PTPN4: variants seen among roughly 807,000 people sequenced by gnomAD.
The protein encoded by PTPN4 is protein tyrosine phosphatase non-receptor type 4.
PTPN4 carries 49 observed loss-of-function variants against 135.5 expected under a neutral mutation model. That is an observed-to-expected ratio of 0.36 (90% CI 0.29 to 0.46). The LOEUF is 0.46. PTPN4 is among the 20% of genes least tolerant of loss of function. The pLI is 1.00. For synonymous variants in PTPN4, 333 were observed against 369.9 expected (o/e 0.90, Z 1.14); for missense variants, 860 against 1,101.0 (o/e 0.78, Z 3.10).
At chr2:119,785,699 G>T (rs1691034051) in intron 1 of PTPN4, among the ~76,000 whole-genome samples, 1 of 151,998 alleles carries the variant, frequency 6.6e-6, no homozygotes, top group Non-Finnish European at 1.5e-5. Flanking sequence ...TTACCACTGA[G>T]AATCAAGAGC....
At chr2:119,939,046 G>A (rs1679026113) in intron 15 of PTPN4, among the ~76,000 whole-genome samples, 1 of 152,112 alleles carries the variant, frequency 6.6e-6, no homozygotes, top group African/African-American at 2.4e-5. Context: ...TTTCCTCACT[G>A]TTAAAAAACA....
chr2:119,961,103 G>A (rs1386222391), intron 23 of PTPN4, 150 bp downstream of exon 23: 40 of 894,442 alleles, frequency 4.5e-5, no homozygotes, highest in Non-Finnish European at 6.5e-5. Context: ...ATGTTTAAGT[G>A]CATAAAACTG....
intron 1 of PTPN4, among the ~76,000 whole-genome samples, chr2:119,784,460 C>T (rs1252649427): frequency 1.4e-5 from 2 of 147,676 alleles, no homozygotes; most frequent in Non-Finnish European, 3.0e-5. Context: ...AATCTTGGCT[C>T]ACTGCAAGCT....
rs752733102 is a variant in PTPN4, at chr2:119,885,791, A to G, written c.588-4A>G. The G allele has an allele frequency of 1.6e-5, 25 of 1,563,048 alleles. No individual in the cohort carries two copies. The highest frequency in any genetic ancestry group is 2.7e-5 in the African/African-American group (2 of 72,762). On this transcript the variant is annotated splice_region_variant and splice_polypyrimidine_tract_variant and intron_variant, in intron 8 of 26. Transcript: ENST00000263708. ...TCATTTTTAACTTAATGATGTCTTTATAGAGGCTTATCTCCTGCAGAAGCA... is the reference window on the plus strand; with the variant it reads ...TCATTTTTAACTTAATGATGTCTTTGTAGAGGCTTATCTCCTGCAGAAGCA...
chr2:119,926,965 T>C (rs78375488), intron 13 of PTPN4, among the ~76,000 whole-genome samples: 1 of 152,178 alleles, frequency 6.6e-6, no homozygotes, highest in Non-Finnish European at 1.5e-5. Flanking sequence ...TTTTAAACAT[T>C]TTTGAGAAAT....
At chr2:119,848,285 C>T (rs1007567993) in intron 2 of PTPN4, among the ~76,000 whole-genome samples, 13 of 151,364 alleles carry the variant, frequency 8.6e-5, no homozygotes, top group African/African-American at 1.2e-4. Flanking sequence ...ACCATTCTCC[C>T]GCCTCAGCCT....
At chr2:119,836,308 A>C (rs1558740137) in intron 2 of PTPN4, among the ~76,000 whole-genome samples, 1 of 152,210 alleles carries the variant, frequency 6.6e-6, no homozygotes, top group Non-Finnish European at 1.5e-5. Flanking sequence ...GAGACACTCA[A>C]GGAGCCTTAG....
chr2:119,942,873 G>T (rs556031485), intron 15 of PTPN4, among the ~76,000 whole-genome samples: 57 of 152,254 alleles, frequency 3.7e-4, no homozygotes, highest in African/African-American at 1.1e-3. Context: ...GCCCTTAGAA[G>T]CTTGTATTCT....
intron 3 of PTPN4, 66 bp from the exon 4 acceptor site, chr2:119,877,257 T>G: frequency 1.3e-6 from 2 of 1,530,720 alleles, no homozygotes; most frequent in Non-Finnish European, 8.8e-7. Flanking sequence ...TGGAACAGAT[T>G]TGCAAGAATC....
chr2:119,802,023 C>T (rs982819039), intron 1 of PTPN4, among the ~76,000 whole-genome samples: 2 of 151,066 alleles, frequency 1.3e-5, no homozygotes, highest in Non-Finnish European at 2.9e-5. Flanking sequence ...TCCTCAGTCT[C>T]CCAAGTAGCT....
At chr2:119,782,483 A>G (rs1035134534) in intron 1 of PTPN4, among the ~76,000 whole-genome samples, 11 of 152,134 alleles carry the variant, frequency 7.2e-5, no homozygotes, top group African/African-American at 2.2e-4. Context: ...TAGTCATCCT[A>G]TGTGGCATGG....
At chr2:119,854,937 T>G (rs1677653220) in intron 2 of PTPN4, among the ~76,000 whole-genome samples, 1 of 152,164 alleles carries the variant, frequency 6.6e-6, no homozygotes, top group South Asian at 2.1e-4. Context: ...TACCTCCTAC[T>G]TCAGCTATGA....
At chr2:119,837,145 G>A (rs1159932066) in intron 2 of PTPN4, among the ~76,000 whole-genome samples, 1 of 152,122 alleles carries the variant, frequency 6.6e-6, no homozygotes, top group Non-Finnish European at 1.5e-5. Flanking sequence ...CTGGGCCCAC[G>A]CATGGCCACC....
chr2:119,920,084 A>G lies in PTPN4; in HGVS notation c.844A>G (p.Thr282Ala), dbSNP rs764525857. 18 of 1,606,770 alleles carry G rather than the reference A, an allele frequency of 1.1e-5. No homozygotes were observed. Among genetic ancestry groups the G allele is most frequent in the Non-Finnish European group, 1.4e-5 (16 of 1,177,746 alleles). ...TTTATTACAGCATGAATCTAGAGAA[A>G]CATTATTGGGATTTAATATGGTGAA... is the stretch of plus-strand genomic sequence containing the variant. The part of the protein sequence containing the change: ...LRKELHESRE[T>A]LLGFNMVNYR... The change falls in exon 12 of 27, where the codon ACA becomes GCA. Residue 282 changes from threonine to alanine, a missense_variant. By Grantham distance (58) the Thr-to-Ala change is moderately conservative (BLOSUM62 0). This residue lies in a region of PTPN4 where 684 missense variants were observed against 807.0 expected (regional missense o/e 0.85). Transcript: ENST00000263708.
Position 119,979,171 on chromosome 2 carries a change from G to A in PTPN4, c.*2101G>A, listed in dbSNP as rs1297793477. The A allele has an allele frequency of 6.6e-6, 1 of 152,068 alleles. No individual in the cohort carries two copies. The highest frequency in any genetic ancestry group is 2.4e-5 in the African/African-American group (1 of 41,440). The allele number at this position is 152,068 out of a possible 1,614,324, so 9.4% of individuals were successfully genotyped here. ...GTCGGGGTCTACACATTAAATGACT[G>A]TTTTGGCAGTTTTTCACCTGAATTT... On this transcript the variant is annotated 3_prime_UTR_variant, in exon 27 of 27. Transcript: ENST00000263708.
chr2:119,762,189 A>T (rs1427036806), intron 1 of PTPN4, among the ~76,000 whole-genome samples: 1 of 152,104 alleles, frequency 6.6e-6, no homozygotes, highest in Non-Finnish European at 1.5e-5. Flanking sequence ...ACCAGTGTAC[A>T]CTTCATTATT....
chr2:119,907,414 A>G (rs1177892706), intron 10 of PTPN4, among the ~76,000 whole-genome samples: 1 of 150,628 alleles, frequency 6.6e-6, no homozygotes, highest in Non-Finnish European at 1.5e-5. Flanking sequence ...AGCCTACACA[A>G]CATAGCAAGA....
intron 1 of PTPN4, among the ~76,000 whole-genome samples, chr2:119,778,203 T>C (rs1187016793): frequency 1.3e-5 from 2 of 152,090 alleles, no homozygotes; most frequent in Admixed American, 6.5e-5. Flanking sequence ...TGGAATCTCA[T>C]AGGGAGGAGA....
At chr2:119,856,730 C>T (rs1397244375) in intron 2 of PTPN4, among the ~76,000 whole-genome samples, 3 of 152,102 alleles carry the variant, frequency 2.0e-5, no homozygotes, top group South Asian at 2.1e-4. Flanking sequence ...GGTAGTAAAA[C>T]GCTCATGTTT....
Sources: allele counts gnomAD v4.1 joint callset (sites outside exome capture counted in the v4.1 genomes callset), GRCh38; gene constraint gnomAD v4.1.1; regional missense constraint gnomAD v4.1.1; transcripts MANE v1.5; gene names NCBI Gene and HGNC (gene_info 2026-07-23, HGNC 2026-07-21).